The following MLLT3 variants were observed in gnomAD, a reference collection of about 807,000 sequenced individuals.
MLLT3 encodes the protein MLLT3 super elongation complex subunit.
Under a neutral mutation model 53.2 loss-of-function variants are expected in MLLT3, and 4 were observed. The ratio of observed to expected loss-of-function variants is 0.08; its 90% CI spans 0.04 to 0.17. The LOEUF is 0.17. Ranked by LOEUF, MLLT3 falls within the 10% of genes least tolerant of loss-of-function variation. The pLI, the probability that MLLT3 is intolerant of heterozygous loss-of-function variation, is 1.00. For synonymous variants in MLLT3, 283 were observed against 230.6 expected (o/e 1.23, Z -2.06); for missense variants, 569 against 684.0 (o/e 0.83, Z 1.87).
At chr9:20,407,043 C>T (rs1019538390) in intron 5 of MLLT3, among the ~76,000 whole-genome samples, 5 of 152,182 alleles carry the variant, frequency 3.3e-5, no homozygotes, top group Non-Finnish European at 7.4e-5. Flanking sequence ...CAAAAGAAAA[C>T]AACCCTCTGT....
chr9:20,457,670 T>TA (rs1407694110), intron 2 of MLLT3, among the ~76,000 whole-genome samples: 1 of 152,178 alleles, frequency 6.6e-6, no homozygotes, highest in Non-Finnish European at 1.5e-5. Flanking sequence ...AAAATACCAA[T>TA]ATACATGTAA....
At chr9:20,494,904 A>G (rs1825044223) in intron 2 of MLLT3, among the ~76,000 whole-genome samples, 1 of 152,234 alleles carries the variant, frequency 6.6e-6, no homozygotes, top group South Asian at 2.1e-4. Context: ...GAGTAAGCCC[A>G]TAGTTGTACT....
intron 5 of MLLT3, among the ~76,000 whole-genome samples, chr9:20,406,278 A>T (rs1822575270): frequency 2.6e-5 from 4 of 152,156 alleles, no homozygotes; most frequent in African/African-American, 9.6e-5. Flanking sequence ...CACTGACCCC[A>T]CACCCTCATC....
intron 2 of MLLT3, among the ~76,000 whole-genome samples, chr9:20,550,203 C>T (rs560824819): frequency 5.3e-5 from 8 of 152,208 alleles, no homozygotes; most frequent in Non-Finnish European, 1.2e-4. Flanking sequence ...TCTACTCTTA[C>T]TTGCCCCAAA....
intron 5 of MLLT3, among the ~76,000 whole-genome samples, chr9:20,374,925 A>T (rs898178397): frequency 2.6e-5 from 4 of 152,240 alleles, no homozygotes; most frequent in Admixed American, 2.0e-4. Context: ...GTTTAAAATG[A>T]GGTCATGAAC....
At chr9:20,438,880 T>C (rs1823473587) in intron 4 of MLLT3, among the ~76,000 whole-genome samples, 1 of 152,164 alleles carries the variant, frequency 6.6e-6, no homozygotes, top group Non-Finnish European at 1.5e-5. Context: ...TTACTCTAAC[T>C]GTAGTTGATT....
chr9:20,371,384 G>A (rs1454083351), intron 5 of MLLT3, among the ~76,000 whole-genome samples: 1 of 152,218 alleles, frequency 6.6e-6, no homozygotes, highest in Admixed American at 6.5e-5. Context: ...CTAGAGAGAA[G>A]TCAAGGCCTG....
At chr9:20,387,546 C>T (rs1822070077) in intron 5 of MLLT3, among the ~76,000 whole-genome samples, 1 of 152,164 alleles carries the variant, frequency 6.6e-6, no homozygotes, top group African/African-American at 2.4e-5. Flanking sequence ...TGTCCTATGG[C>T]AGCTAAACAA....
At chr9:20,351,582 C>T (rs1345568704) in intron 10 of MLLT3, among the ~76,000 whole-genome samples, 1 of 152,130 alleles carries the variant, frequency 6.6e-6, no homozygotes, top group African/African-American at 2.4e-5. Flanking sequence ...GACTGCATGC[C>T]CCCAGAGGAA....
intron 2 of MLLT3, among the ~76,000 whole-genome samples, chr9:20,589,453 A>C (rs1430215278): frequency 1.3e-5 from 1 of 79,272 alleles, no homozygotes; most frequent in Non-Finnish European, 2.3e-5. Flanking sequence ...GGGAGGGGGG[A>C]GGGATAGCAT....
At chr9:20,377,547 A>C (rs1821798244) in intron 5 of MLLT3, among the ~76,000 whole-genome samples, 1 of 152,182 alleles carries the variant, frequency 6.6e-6, no homozygotes, top group Non-Finnish European at 1.5e-5. Flanking sequence ...GATTATTTTG[A>C]CAAGACATTT....
At chr9:20,439,610 G>A (rs1024615623) in intron 4 of MLLT3, among the ~76,000 whole-genome samples, 9 of 151,996 alleles carry the variant, frequency 5.9e-5, no homozygotes, top group African/African-American at 1.7e-4. Context: ...GGGGGATGGC[G>A]GAGAAAGAAA....
At chr9:20,622,106 A>G (rs1587142151) in intron 1 of MLLT3, 139 bp downstream of exon 1, 25 of 948,056 alleles carry the variant, frequency 2.6e-5, no homozygotes, top group African/African-American at 1.5e-4. Context: ...GCTGAGGGAG[A>G]GGCGGCAGCT....
At chr9:20,424,430 A>G (rs903579374) in intron 4 of MLLT3, among the ~76,000 whole-genome samples, 5 of 152,212 alleles carry the variant, frequency 3.3e-5, no homozygotes, top group Admixed American at 3.3e-4. Flanking sequence ...CTCATCTCAC[A>G]TTAAATGTTT....
chr9:20,345,510 G>C lies in MLLT3; in HGVS notation c.*933C>G, dbSNP rs1198191655. The C allele has an allele frequency of 5.0e-6, 1 of 198,558 alleles. No homozygotes were observed. Among genetic ancestry groups the C allele is most frequent in the Non-Finnish European group, 1.0e-5 (1 of 96,738 alleles). 12.3% of individuals were successfully genotyped at this position (198,558 alleles called of 1,614,324 possible). On this transcript the variant is annotated 3_prime_UTR_variant, in exon 11 of 11. Coordinates refer to ENST00000380338, the MANE Select transcript of MLLT3 (RefSeq NM_004529.4). The stretch of plus-strand genomic sequence containing the variant: ...GGACCAGAATTCTTTTTTTTTAAAT[G>C]ATGATCCTGTGGAATGCCTTTACTT...
intron 2 of MLLT3, among the ~76,000 whole-genome samples, chr9:20,557,812 A>C (rs118061044): frequency 1.2e-3 from 179 of 152,354 alleles, no homozygotes; most frequent in Non-Finnish European, 2.1e-3. Flanking sequence ...AGTGGCAAAA[A>C]GTACCGGGAG....
intron 2 of MLLT3, among the ~76,000 whole-genome samples, chr9:20,552,841 T>C (rs966364544): frequency 6.6e-6 from 1 of 152,134 alleles, no homozygotes; most frequent in African/African-American, 2.4e-5. Flanking sequence ...CTTTTTCTCA[T>C]CAGGCAAGGT....
Position 20,620,930 on chromosome 9 carries a change from A to C in MLLT3, c.13-96T>G. 1.4e-6 allele frequency: 2 copies of C among 1,384,108 alleles called. No individual in the cohort carries two copies. Among genetic ancestry groups the C allele is most frequent in the Non-Finnish European group, 2.0e-6 (2 of 987,310 alleles). The allele number at this position is 1,384,108 out of a possible 1,614,324, so 85.7% of individuals were successfully genotyped here. ...TGACATTTTTTTCCTCCTTCTTGAA[A>C]CGCACATAAAAGGAAACGGCGGTGC... On this transcript the variant is annotated intron_variant, in intron 1 of 10. Coordinates refer to ENST00000380338, the MANE Select transcript of MLLT3 (RefSeq NM_004529.4). This position sits in a 1 kb window ranked among gnomAD's most constrained non-coding sequence, Gnocchi z 6.1.
At position 20,586,071 on chromosome 9, in the gene MLLT3, A is replaced by T. The variant is rs542647188; in HGVS notation, c.193+34583T>A. On this transcript the variant is annotated intron_variant, in intron 2 of 10. Coordinates refer to ENST00000380338, the MANE Select transcript of MLLT3 (RefSeq NM_004529.4). ...AATCACTCACATCTGTAATCCTAGC[A>T]CTTCGGGAAGCCAAGATGGGAGTAT... Among the ~76,000 whole-genome samples the T allele has an allele frequency of 1.1e-4, 17 of 152,250 alleles. No individual in the cohort carries two copies. In the South Asian group the frequency reaches 3.5e-3, roughly 32 times the overall value.
Sources: gnomAD v4.1 joint callset for allele counts (sites outside exome capture counted in the v4.1 genomes callset) on GRCh38, gnomAD v4.1.1 for gene constraint, Gnocchi (gnomAD v3.1) non-coding constraint, MANE v1.5 for transcripts, NCBI Gene and HGNC (gene_info 2026-07-23, HGNC 2026-07-21) for gene names.